The following TLL1 variants were observed in gnomAD, a reference collection of about 807,000 sequenced individuals.
TLL1 encodes tolloid-like protein 1.
TLL1 carries 49 observed loss-of-function variants against 128.2 expected under a neutral mutation model. The observed-to-expected ratio is 0.38, with a 90% CI of 0.30 to 0.48. The LOEUF is 0.48. Ranked by LOEUF, TLL1 falls within the 20% of genes least tolerant of loss-of-function variation. TLL1 has a pLI of 0.96. For synonymous variants in TLL1, 454 were observed against 418.8 expected, an observed-to-expected ratio of 1.08 and a Z score of -1.03; for missense variants, 1,123 against 1,242.0, an observed-to-expected ratio of 0.90 and a Z score of 1.44.
intron 4 of TLL1, 73 bp from the exon 5 acceptor site, chr4:165,994,988 G>A (rs1579596459): frequency 4.1e-6 from 5 of 1,228,556 alleles, no homozygotes; most frequent in South Asian, 3.7e-5. Context: ...GCCAGACTTA[G>A]GGTAGAGGAT....
At chr4:165,901,989 C>T (rs557851094) in intron 1 of TLL1, among the ~76,000 whole-genome samples, 9 of 152,212 alleles carry the variant, frequency 5.9e-5, no homozygotes, top group South Asian at 2.1e-4. Context: ...GTGGCTTTGC[C>T]GAGCTGTGGT....
chr4:165,904,719 G>A lies in TLL1; in HGVS notation c.169+30646G>A, dbSNP rs537072872. ...ACAAATTATTTCAATAAATGAAAATGTGAGCCACGGATTTAAGAAAATCTT... is the reference window on the plus strand; with the variant it reads ...ACAAATTATTTCAATAAATGAAAATATGAGCCACGGATTTAAGAAAATCTT... On this transcript the variant is annotated intron_variant, in intron 1 of 20. Coordinates refer to ENST00000061240, the MANE Select transcript of TLL1 (RefSeq NM_012464.5). Among the ~76,000 whole-genome samples, 5 of 152,266 alleles carry A rather than the reference G, an allele frequency of 3.3e-5. No homozygotes were observed. The East Asian group carries it at 9.6e-4, about 29-fold the overall frequency.
chr4:166,004,549 A>G lies in TLL1; in HGVS notation c.811+980A>G, dbSNP rs116069248. On this transcript the variant is annotated intron_variant, in intron 6 of 20. Transcript: ENST00000061240. Reference sequence around the variant, plus strand: ...ATTAGTAATATATGTTGAAAATACCATAGAGTCCAAGCAAGGCATGACGAA... The same window carrying G: ...ATTAGTAATATATGTTGAAAATACCGTAGAGTCCAAGCAAGGCATGACGAA... Among the ~76,000 whole-genome samples, 463 of 152,208 alleles carry G rather than the reference A, an allele frequency of 3.0e-3. 3 individuals are homozygous for G. Among genetic ancestry groups the G allele is most frequent in the African/African-American group, 0.01 (430 of 41,562 alleles).
chr4:166,096,211 G>T (rs1189020350), intron 19 of TLL1, among the ~76,000 whole-genome samples: 1 of 56,722 alleles, frequency 1.8e-5, no homozygotes, highest in Admixed American at 1.3e-4. Flanking sequence ...TCTGTCATGG[G>T]TGTGTGTGTG....
intron 1 of TLL1, among the ~76,000 whole-genome samples, chr4:165,882,486 G>A (rs1731004992): frequency 6.6e-6 from 1 of 152,098 alleles, no homozygotes; most frequent in South Asian, 2.1e-4. Context: ...CCCAAGAGAA[G>A]AAATAGTATA....
intron 1 of TLL1, among the ~76,000 whole-genome samples, chr4:165,891,395 T>C (rs951706122): frequency 2.0e-5 from 3 of 152,216 alleles, no homozygotes; most frequent in African/African-American, 7.2e-5. Context: ...ATGCTCTGCT[T>C]TTATTTTAAA....
chr4:165,875,439 T>C (rs190410538), intron 1 of TLL1, among the ~76,000 whole-genome samples: 57 of 152,346 alleles, frequency 3.7e-4, no homozygotes, highest in Non-Finnish European at 1.0e-4. Context: ...CAGGTACTTA[T>C]TTAAAAGCCA....
intron 9 of TLL1, among the ~76,000 whole-genome samples, chr4:166,028,270 A>G (rs1738598071): frequency 6.6e-6 from 1 of 151,896 alleles, no homozygotes. Context: ...ACTTTTTTCT[A>G]TTGTTATTAT....
intron 1 of TLL1, among the ~76,000 whole-genome samples, chr4:165,904,579 A>C (rs1732161936): frequency 6.6e-6 from 1 of 152,234 alleles, no homozygotes; most frequent in Non-Finnish European, 1.5e-5. Flanking sequence ...ATAAATTATA[A>C]ATTGTAGAAT....
chr4:165,945,088 G>C (rs1398174345), intron 1 of TLL1, among the ~76,000 whole-genome samples: 1 of 152,102 alleles, frequency 6.6e-6, no homozygotes, highest in African/African-American at 2.4e-5. Flanking sequence ...ATAGAATTTT[G>C]CAGAGTTAGC....
chr4:166,030,488 G>T, intron 9 of TLL1: 1 of 613,628 alleles, frequency 1.6e-6, no homozygotes, highest in Non-Finnish European at 3.0e-6. Context: ...GTCTTCTGAT[G>T]AACACAAATT....
chr4:165,904,923 C>G (rs1732181195), intron 1 of TLL1, among the ~76,000 whole-genome samples: 1 of 152,192 alleles, frequency 6.6e-6, no homozygotes, highest in South Asian at 2.1e-4. Flanking sequence ...AGCTTAACAT[C>G]AGCCATGAGG....
rs1735322350 is a variant in TLL1, at chr4:165,965,466, T to C, written c.170-23915T>C. On this transcript the variant is annotated intron_variant, in intron 1 of 20. Transcript: ENST00000061240. Reference sequence around the variant, plus strand: ...AATTGGGCACTTTATTTCTTGGATTTTCTATCAGAGTCTTATTGACTCTTT... The same window carrying C: ...AATTGGGCACTTTATTTCTTGGATTCTCTATCAGAGTCTTATTGACTCTTT... Among the ~76,000 whole-genome samples the C allele has an allele frequency of 2.6e-5, 4 of 152,338 alleles. No homozygotes were observed. In the South Asian group the frequency reaches 8.3e-4, roughly 32 times the overall value.
At chr4:166,052,639 T>C (rs894611779) in intron 12 of TLL1, among the ~76,000 whole-genome samples, 9 of 152,116 alleles carry the variant, frequency 5.9e-5, no homozygotes, top group African/African-American at 1.9e-4. Flanking sequence ...AAGATGTTGC[T>C]TCCTTCATTG....
chr4:166,078,117 C>G, intron 18 of TLL1, 87 bp downstream of exon 18: 9 of 1,585,434 alleles, frequency 5.7e-6, no homozygotes, highest in Non-Finnish European at 6.9e-6. Context: ...GGAGGTTTAT[C>G]TAATTGAATC....
At chr4:165,913,186 A>C (rs546753043) in intron 1 of TLL1, among the ~76,000 whole-genome samples, 1 of 152,338 alleles carries the variant, frequency 6.6e-6, no homozygotes, top group South Asian at 2.1e-4. Context: ...TTATAATTAA[A>C]GTCTTCTGTG....
chr4:165,919,329 G>T (rs1732924360), intron 1 of TLL1, among the ~76,000 whole-genome samples: 1 of 149,260 alleles, frequency 6.7e-6, no homozygotes, highest in African/African-American at 2.5e-5. Context: ...GCTGCAGTAA[G>T]TGGTGATCAC....
chr4:165,925,590 T>C (rs1733232931), intron 1 of TLL1, among the ~76,000 whole-genome samples: 1 of 152,220 alleles, frequency 6.6e-6, no homozygotes, highest in South Asian at 2.1e-4. Flanking sequence ...CTTTGAGCAT[T>C]GTTGACATGA....
chr4:166,042,482 T>C (rs907651516), intron 11 of TLL1, among the ~76,000 whole-genome samples: 3 of 152,236 alleles, frequency 2.0e-5, no homozygotes, highest in African/African-American at 7.2e-5. Flanking sequence ...TGTGTCTGTT[T>C]GGTCCCTGTA....
Sources: allele counts gnomAD v4.1 joint callset (sites outside exome capture counted in the v4.1 genomes callset), GRCh38; gene constraint gnomAD v4.1.1; transcripts MANE v1.5; gene names NCBI Gene and HGNC (gene_info 2026-07-23, HGNC 2026-07-21).